The following BAG3 variants were observed in gnomAD, a reference collection of about 807,000 sequenced individuals.
The protein encoded by BAG3 is BAG cochaperone 3.
Under a neutral mutation model 40.5 loss-of-function variants are expected in BAG3, and 14 were observed. The observed-to-expected ratio is 0.35, with a 90% CI of 0.23 to 0.54. BAG3 has a LOEUF of 0.54. Among genes scored for constraint, BAG3 ranks in the 20% least tolerant of loss-of-function variants. The probability of loss-of-function intolerance (pLI) is 0.91; values close to 1 mark genes in which losing one functional copy is unlikely to be tolerated. For missense variants in BAG3, 788 were observed against 758.6 expected (o/e 1.04, Z -0.46); for synonymous variants, 302 against 307.8 (o/e 0.98, Z 0.20).
Position 119,672,791 on chromosome 10 carries a change from G to A in BAG3, c.909+135G>A, listed in dbSNP as rs912641906. 1.6e-5 allele frequency: 21 copies of A among 1,295,654 alleles called. No individual in the cohort carries two copies. In the East Asian group the frequency reaches 5.1e-4, roughly 32 times the overall value. The allele number at this position is 1,295,654 out of a possible 1,614,324, so 80.3% of individuals were successfully genotyped here. A position where few individuals can be genotyped will look rare whatever the true frequency, so the allele number is the denominator to read the frequency against. ...GTGTACCTACAGGCAAGTGAGATTCGAGAAATTGCTAGGTATTAACAGAAA... is the reference window on the plus strand; with the variant it reads ...GTGTACCTACAGGCAAGTGAGATTCAAGAAATTGCTAGGTATTAACAGAAA... On this transcript the variant is annotated intron_variant, in intron 3 of 3. Transcript: ENST00000369085. This position sits in a 1 kb window ranked among gnomAD's most constrained non-coding sequence, Gnocchi z 4.8.
chr10:119,662,218 TTTTTTTTG>T (rs891176125), intron 1 of BAG3, among the ~76,000 whole-genome samples: 1 of 113,886 alleles, frequency 8.8e-6, no homozygotes, highest in African/African-American at 3.3e-5. Flanking sequence ...TGGCTATGTT[TTTTTTTTG>T]TTTTTTTTTT....
intron 1 of BAG3, among the ~76,000 whole-genome samples, chr10:119,659,359 C>T (rs1277253556): frequency 6.6e-6 from 1 of 152,212 alleles, no homozygotes; most frequent in Non-Finnish European, 1.5e-5. Flanking sequence ...AAGTACCAGG[C>T]AGGAGCTAGG....
chr10:119,676,327 C>A, intron 3 of BAG3, 137 bp from the exon 4 acceptor site: 1 of 856,222 alleles, frequency 1.2e-6, no homozygotes, highest in Non-Finnish European at 1.8e-6. Flanking sequence ...CATTGATTGA[C>A]TTTGAAAATC....
intron 1 of BAG3, among the ~76,000 whole-genome samples, chr10:119,659,389 G>A (rs149744652): frequency 1.4e-3 from 211 of 152,362 alleles, no homozygotes; most frequent in African/African-American, 4.7e-3. Context: ...TGTGAGGGGG[G>A]ACATCAGCCC....
At chr10:119,663,364 A>G (rs556701126) in intron 1 of BAG3, among the ~76,000 whole-genome samples, 2 of 152,132 alleles carry the variant, frequency 1.3e-5, no homozygotes, top group East Asian at 3.9e-4. Context: ...CAGTGCTGCA[A>G]TCTTGGCTCA....
chr10:119,672,700 C>A lies in BAG3; in HGVS notation c.909+44C>A. 6.2e-7 allele frequency: 1 copy of A among 1,605,520 alleles called. No homozygotes were observed. Among genetic ancestry groups the A allele is most frequent in the South Asian group, 1.1e-5 (1 of 90,986 alleles). ...CAGCAGACTGGTTATGGTGGTATGT[C>A]TCCAGGGGTGCAGGAGCTCTGTGGG... On this transcript the variant is annotated intron_variant, in intron 3 of 3. Transcript: ENST00000369085. The surrounding 1 kb of genome is among the most constrained non-coding windows in gnomAD (Gnocchi z 4.8).
At chr10:119,673,277 C>T (rs1032420326) in intron 3 of BAG3, among the ~76,000 whole-genome samples, 24 of 152,170 alleles carry the variant, frequency 1.6e-4, no homozygotes, top group East Asian at 3.8e-4. Flanking sequence ...TGTCATTATT[C>T]GGGGCATTTC....
intron 1 of BAG3, among the ~76,000 whole-genome samples, chr10:119,665,144 A>ATTTT (rs1161102936): frequency 1.9e-4 from 17 of 88,788 alleles, no homozygotes; most frequent in African/African-American, 7.2e-4. Context: ...ATATATATAT[A>ATTTT]TTTTTTTTTT....
intron 2 of BAG3, among the ~76,000 whole-genome samples, chr10:119,671,952 C>G (rs886422731): frequency 6.6e-6 from 1 of 152,128 alleles, no homozygotes; most frequent in African/African-American, 2.4e-5. Flanking sequence ...CCACACCCAG[C>G]TAATTTTTGT....
chr10:119,664,223 T>C (rs1260751285), intron 1 of BAG3, among the ~76,000 whole-genome samples: 2 of 152,196 alleles, frequency 1.3e-5, no homozygotes, highest in Non-Finnish European at 2.9e-5. Flanking sequence ...TCTCTAATCA[T>C]AATATCTTGT....
rs556087623 is a variant in BAG3 at position 119,667,639 on chromosome 10, C to A, written c.181-2212C>A. ...TCTGCTTCTTGTTTGTTTCCTGCCC[C>A]CTTAGCCCATCTTCTAAGCCCCTGT... On this transcript the variant is annotated intron_variant, in intron 1 of 3. Coordinates refer to ENST00000369085, the MANE Select transcript of BAG3 (RefSeq NM_004281.4). 1.1e-3 allele frequency among the ~76,000 whole-genome samples: 169 copies of A among 152,314 alleles called. 1 individual carries two copies. The highest frequency in any genetic ancestry group is 2.2e-3 in the Non-Finnish European group (149 of 68,038).
chr10:119,670,926 C>G (rs1044856732), intron 2 of BAG3, among the ~76,000 whole-genome samples: 2 of 152,164 alleles, frequency 1.3e-5, no homozygotes, highest in Non-Finnish European at 2.9e-5. Flanking sequence ...TGTTCCTGGG[C>G]ACAAACTCCC....
chr10:119,661,915 A>T (rs570405063), intron 1 of BAG3, among the ~76,000 whole-genome samples: 15 of 152,272 alleles, frequency 9.9e-5, no homozygotes, highest in African/African-American at 3.6e-4. Flanking sequence ...GGCTGTAGGG[A>T]TGTTAATGGC....
At position 119,651,419 on chromosome 10, in the gene BAG3, A is replaced by G. The variant is rs1330684471; in HGVS notation, c.-257A>G. 5.2e-6 allele frequency: 2 copies of G among 381,660 alleles called. No individual in the cohort carries two copies. Among genetic ancestry groups the G allele is most frequent in the Non-Finnish European group, 4.6e-6 (1 of 217,078 alleles). The allele number at this position is 381,660 out of a possible 1,614,324, so 23.6% of individuals were successfully genotyped here. On this transcript the variant is annotated 5_prime_UTR_variant, in exon 1 of 4. Transcript: ENST00000369085. ...GCCGCGGCCAACTTCTCTGGACTGG[A>G]CCAGAAGTTTCTAGCCGGCCAGTTG...
intron 1 of BAG3, among the ~76,000 whole-genome samples, chr10:119,665,096 G>C (rs1409287161): frequency 2.9e-5 from 2 of 67,922 alleles, no homozygotes; most frequent in Non-Finnish European, 6.5e-5. Context: ...TTTTGTTTGT[G>C]TGTGTGTGTG....
rs186879133 is a variant in BAG3 at position 119,660,205 on chromosome 10, G to A, written c.180+8350G>A. Among the ~76,000 whole-genome samples the A allele has an allele frequency of 1.6e-3, 249 of 152,326 alleles. 1 individual carries two copies. Among genetic ancestry groups the A allele is most frequent in the South Asian group, 6.0e-3 (29 of 4,826 alleles). ...GCCAGCAGATGTTCTGCTCCCAGGC[G>A]GACCCTTCTGTGCCCCAGCCTGGCC... On this transcript the variant is annotated intron_variant, in intron 1 of 3. Transcript: ENST00000369085.
intron 1 of BAG3, among the ~76,000 whole-genome samples, chr10:119,665,342 G>A (rs1449247392): frequency 2.6e-5 from 4 of 151,232 alleles, no homozygotes; most frequent in Admixed American, 6.6e-5. Flanking sequence ...GGGTTTCACC[G>A]TGTTAGCCAG....
chr10:119,676,393 G>T, intron 3 of BAG3, 71 bp from the exon 4 acceptor site: 3 of 1,527,714 alleles, frequency 2.0e-6, no homozygotes, highest in Non-Finnish European at 2.7e-6. Flanking sequence ...TTTCTAATCT[G>T]TACTAGCTAC....
intron 1 of BAG3, among the ~76,000 whole-genome samples, chr10:119,659,394 C>A (rs903370780): frequency 2.6e-5 from 4 of 152,204 alleles, no homozygotes; most frequent in African/African-American, 4.8e-5. Flanking sequence ...GGGGGGACAT[C>A]AGCCCACCTT....
Sources: allele counts gnomAD v4.1 joint callset (sites outside exome capture counted in the v4.1 genomes callset), GRCh38; gene constraint gnomAD v4.1.1; non-coding constraint Gnocchi (gnomAD v3.1); transcripts MANE v1.5; gene names NCBI Gene and HGNC (gene_info 2026-07-23, HGNC 2026-07-21).